ARHGAP24: variants seen among roughly 807,000 people sequenced by gnomAD.
The protein encoded by ARHGAP24 is rho GTPase-activating protein 24.
Under a neutral mutation model 76.4 loss-of-function variants are expected in ARHGAP24, and 50 were observed. The ratio of observed to expected loss-of-function variants is 0.65; its 90% CI spans 0.52 to 0.83. The LOEUF (loss-of-function observed/expected upper bound fraction) is 0.83, where lower values mean the gene tolerates loss of function less well. Among genes scored for constraint, ARHGAP24 ranks in the 40% least tolerant of loss-of-function variants. The pLI is 0.00. For missense variants in ARHGAP24, 930 were observed against 914.2 expected (o/e 1.02, Z -0.22); for synonymous variants, 345 against 323.3 (o/e 1.07, Z -0.72).
intron 2 of ARHGAP24, among the ~76,000 whole-genome samples, chr4:85,669,644 A>AATATATATATATAT (rs58332235): frequency 1.1e-5 from 1 of 93,216 alleles, no homozygotes; most frequent in Non-Finnish European, 2.2e-5. Flanking sequence ...TGTACTTTCA[A>AATATATATATATAT]ATATATATAT....
At chr4:85,722,121 G>T in intron 3 of ARHGAP24, 149 bp downstream of exon 3, 1 of 681,054 alleles carries the variant, frequency 1.5e-6, no homozygotes, top group South Asian at 1.6e-5. Flanking sequence ...ATGACTGCAG[G>T]TTTATATACT....
chr4:85,856,007 T>C (rs1330372920), intron 3 of ARHGAP24, among the ~76,000 whole-genome samples: 1 of 152,176 alleles, frequency 6.6e-6, no homozygotes, highest in Non-Finnish European at 1.5e-5. Flanking sequence ...TTGCTAAGTG[T>C]ATGTTTAACT....
In ARHGAP24 at chr4:85,721,949, A is replaced by T; in HGVS notation, c.245A>T (p.Lys82Met). ...CCCTGCAATGAAGAGAACCCAGGGA[A>T]GTTCCTTTTTGAAGTAGTTCCAGGT... Reference protein sequence around the residue: ...EHPCNEENPGKFLFEVVPGGD... With the variant: ...EHPCNEENPGMFLFEVVPGGD... Residue 82 changes from lysine (K) to methionine (M), a missense_variant, in exon 3 of 10, where the codon AAG (lysine) becomes ATG (methionine). Coordinates refer to ENST00000395184, the MANE Select transcript of ARHGAP24 (RefSeq NM_001025616.3). 1 of 1,613,426 alleles carries T rather than the reference A, an allele frequency of 6.2e-7. No individual in the cohort carries two copies. The highest frequency in any genetic ancestry group is 8.5e-7 in the Non-Finnish European group (1 of 1,179,586).
At chr4:85,862,719 T>A (rs1731972214) in intron 3 of ARHGAP24, among the ~76,000 whole-genome samples, 1 of 152,226 alleles carries the variant, frequency 6.6e-6, no homozygotes, top group South Asian at 2.1e-4. Context: ...GCACTACCAG[T>A]TCCTTTTGCT....
intron 1 of ARHGAP24, among the ~76,000 whole-genome samples, chr4:85,530,103 C>T (rs1725197954): frequency 6.6e-6 from 1 of 151,822 alleles, no homozygotes; most frequent in Non-Finnish European, 1.5e-5. Flanking sequence ...AACAGATGTA[C>T]TCTTAATTAA....
chr4:85,623,394 A>G (rs1279801831), intron 2 of ARHGAP24, among the ~76,000 whole-genome samples: 1 of 152,200 alleles, frequency 6.6e-6, no homozygotes, highest in Admixed American at 6.5e-5. Context: ...TTTGTCAAAG[A>G]TCAGATAGTG....
intron 3 of ARHGAP24, among the ~76,000 whole-genome samples, chr4:85,866,340 C>G (rs1356964832): frequency 1.3e-5 from 2 of 152,028 alleles, no homozygotes. Flanking sequence ...CTGGAGACTT[C>G]TGACTTACAA....
intron 3 of ARHGAP24, among the ~76,000 whole-genome samples, chr4:85,888,566 A>T (rs948720932): frequency 6.6e-6 from 1 of 151,914 alleles, no homozygotes; most frequent in African/African-American, 2.4e-5. Context: ...TTAAATACTG[A>T]GGTATCTTTT....
At chr4:85,607,716 T>C (rs1720246501) in intron 2 of ARHGAP24, among the ~76,000 whole-genome samples, 1 of 143,772 alleles carries the variant, frequency 7.0e-6, no homozygotes, top group African/African-American at 2.6e-5. Context: ...TGGCACGGCG[T>C]AGCTATGGCT....
intron 1 of ARHGAP24, among the ~76,000 whole-genome samples, chr4:85,537,115 T>G (rs1192575917): frequency 6.7e-6 from 1 of 149,150 alleles, no homozygotes; most frequent in Non-Finnish European, 1.5e-5. Flanking sequence ...TCTACTGGTG[T>G]TTTTTTCCAT....
intron 3 of ARHGAP24, among the ~76,000 whole-genome samples, chr4:85,904,810 A>T (rs889366629): frequency 6.6e-6 from 1 of 152,248 alleles, no homozygotes; most frequent in South Asian, 2.1e-4. Context: ...GGCAATTTAT[A>T]TGAAGCTAAA....
intron 1 of ARHGAP24, among the ~76,000 whole-genome samples, chr4:85,505,535 C>T (rs554587162): frequency 2.4e-4 from 36 of 152,260 alleles, no homozygotes; most frequent in South Asian, 6.2e-4. Flanking sequence ...CTTGTGCATG[C>T]GTCACAAAGT....
At chr4:85,857,290 A>G (rs948920392) in intron 3 of ARHGAP24, among the ~76,000 whole-genome samples, 2 of 152,214 alleles carry the variant, frequency 1.3e-5, no homozygotes, top group Non-Finnish European at 2.9e-5. Context: ...ATAAATATTT[A>G]TTTACACTTT....
At chr4:85,670,369 G>A (rs999072119) in intron 2 of ARHGAP24, among the ~76,000 whole-genome samples, 2 of 152,142 alleles carry the variant, frequency 1.3e-5, no homozygotes, top group South Asian at 2.1e-4. Flanking sequence ...CTTAATAAGT[G>A]CTACGTTAGC....
chr4:85,568,166 G>T (rs564486159), intron 1 of ARHGAP24, among the ~76,000 whole-genome samples: 14 of 152,174 alleles, frequency 9.2e-5, no homozygotes, highest in African/African-American at 3.1e-4. Flanking sequence ...TCAATGGTAG[G>T]TTGCTAATAA....
In ARHGAP24 at chr4:85,821,723, A is replaced by T. The variant is rs72978890; in HGVS notation, c.268+99751A>T. Among the ~76,000 whole-genome samples, 1,105 of 152,266 alleles carry T rather than the reference A, an allele frequency of 7.3e-3. 11 individuals are homozygous for T. Among genetic ancestry groups the T allele is most frequent in the African/African-American group, 0.025 (1,053 of 41,556 alleles). ...TGAAGGCATAAATTATTAATTTTTT[A>T]ATTAGTTTTTAAATCAACCAAGATG... is the stretch of plus-strand genomic sequence containing the variant. On this transcript the variant is annotated intron_variant, in intron 3 of 9. Coordinates refer to ENST00000395184, the MANE Select transcript of ARHGAP24 (RefSeq NM_001025616.3).
At chr4:85,574,578 C>CG (rs953927148) in intron 2 of ARHGAP24, among the ~76,000 whole-genome samples, 14 of 152,098 alleles carry the variant, frequency 9.2e-5, no homozygotes, top group African/African-American at 2.9e-4. Flanking sequence ...TAGAGAGAAA[C>CG]GGGGGGCCCC....
At chr4:85,743,822 A>G (rs2110062147) in intron 3 of ARHGAP24, among the ~76,000 whole-genome samples, 1 of 152,328 alleles carries the variant, frequency 6.6e-6, no homozygotes, top group South Asian at 2.1e-4. Context: ...AACCTTAATT[A>G]TAAATAAGCA....
At chr4:85,889,968 A>T (rs1056145393) in intron 3 of ARHGAP24, among the ~76,000 whole-genome samples, 2 of 152,006 alleles carry the variant, frequency 1.3e-5, no homozygotes, top group Non-Finnish European at 2.9e-5. Flanking sequence ...TTCTATACCT[A>T]AATCCATGAT....
Sources: allele counts gnomAD v4.1 joint callset (sites outside exome capture counted in the v4.1 genomes callset), GRCh38; gene constraint gnomAD v4.1.1; transcripts MANE v1.5; gene names NCBI Gene and HGNC (gene_info 2026-07-23, HGNC 2026-07-21).